CNTFR: variants seen among roughly 807,000 people sequenced by gnomAD.
CNTFR encodes ciliary neurotrophic factor receptor subunit alpha.
CNTFR carries 12 observed loss-of-function variants against 40.4 expected under a neutral mutation model. That is an observed-to-expected ratio of 0.30 (90% CI 0.19 to 0.48). CNTFR has a LOEUF of 0.48. CNTFR is among the 20% of genes least tolerant of loss of function. The pLI is 0.99. For synonymous variants in CNTFR, 202 were observed against 209.6 expected, an observed-to-expected ratio of 0.96 and a Z score of 0.31; for missense variants, 414 against 506.8, an observed-to-expected ratio of 0.82 and a Z score of 1.76.
chr9:34,573,472 A>T lies in CNTFR; in HGVS notation c.1-4491T>A, dbSNP rs371560417. 5.1e-4 allele frequency among the ~76,000 whole-genome samples: 77 copies of T among 152,296 alleles called. 1 individual carries two copies. The South Asian group carries it at 0.015, about 30-fold the overall frequency. On this transcript the variant is annotated intron_variant, in intron 2 of 9. Coordinates refer to ENST00000378980, the MANE Select transcript of CNTFR (RefSeq NM_147164.3). ...ACAATGAAGGATCAGGGGGGCCTCA[A>T]GGCAAGTGACCTCGAAGCAAGGTTA...
rs1825872697 is a variant in CNTFR, at chr9:34,557,115, G to A, written c.604+411C>T. On this transcript the variant is annotated intron_variant, in intron 6 of 9. Transcript: ENST00000378980. The surrounding 1 kb of genome is among the most constrained non-coding windows in gnomAD (Gnocchi z 4.2). ...TGGCTGGGATGGGGGGGGTCAGGGG[G>A]AGGGCAGTATCTGTCCCAGTCCTGT... is the stretch of plus-strand genomic sequence containing the variant. Among the ~76,000 whole-genome samples, 1 of 148,400 alleles carries A rather than the reference G, an allele frequency of 6.7e-6. No homozygotes were observed. Among genetic ancestry groups the A allele is most frequent in the South Asian group, 2.2e-4 (1 of 4,598 alleles).
At chr9:34,559,719 G>A (rs776467142) in intron 4 of CNTFR, among the ~76,000 whole-genome samples, 32 of 152,048 alleles carry the variant, frequency 2.1e-4, no homozygotes, top group Non-Finnish European at 4.4e-4. Flanking sequence ...ACATTCCGAG[G>A]TCGGCCGAGA....
rs116401434 is a variant in CNTFR, at chr9:34,557,689, A to G, written c.441T>C (p.His147=). The change falls in exon 6 of 10, where the codon CAT becomes CAC. Residue 147 remains histidine, a synonymous_variant. Transcript: ENST00000378980. This position sits in a 1 kb window ranked among gnomAD's most constrained non-coding sequence, Gnocchi z 4.2. The part of the protein sequence containing the change: ...IPNTFNVTVL[H]GSKIMVCEKD... ...TCTCACAGACCATAATTTTGGAGCC[A>G]TGCCTGGGGAGAGGTGAGACCCAGG... 6.2e-7 allele frequency: 1 copy of G among 1,614,174 alleles called. No individual in the cohort carries two copies. The highest frequency in any genetic ancestry group is 1.3e-5 in the African/African-American group (1 of 75,050).
chr9:34,577,872 G>A (rs1044256142), intron 2 of CNTFR, among the ~76,000 whole-genome samples: 1 of 151,890 alleles, frequency 6.6e-6, no homozygotes, highest in African/African-American at 2.4e-5. Flanking sequence ...GGGGGAGCGC[G>A]CCGAGCAGCC....
chr9:34,576,865 G>C (rs990199465), intron 2 of CNTFR, among the ~76,000 whole-genome samples: 2 of 152,198 alleles, frequency 1.3e-5, no homozygotes, highest in African/African-American at 2.4e-5. Context: ...TGATCCCAAG[G>C]CCTCTTCAAA....
At position 34,557,539 on chromosome 9, in the gene CNTFR, G is replaced by A. The variant is rs781018193; in HGVS notation, c.591C>T (p.Asp197=). ...CGCCACACGTACCAATGGTGAACTC[G>A]TCAAAGGTGATAGCTGTGGCATTGT... is the stretch of plus-strand genomic sequence containing the variant. The part of the protein sequence containing the change: ...LGHNATAITF[D]EFTIVKPDPP... Residue 197 remains aspartate (D), a synonymous_variant, in exon 6 of 10, where the codon GAC becomes GAT. Transcript: ENST00000378980. This position sits in a 1 kb window ranked among gnomAD's most constrained non-coding sequence, Gnocchi z 4.2. 4.3e-6 allele frequency: 7 copies of A among 1,613,992 alleles called. No individual in the cohort carries two copies. Among genetic ancestry groups the A allele is most frequent in the South Asian group, 3.3e-5 (3 of 91,084 alleles).
Position 34,556,247 on chromosome 9 carries a change from G to T in CNTFR, c.768+8C>A, listed in dbSNP as rs376491136. On this transcript the variant is annotated splice_region_variant and intron_variant, in intron 7 of 9. Coordinates refer to ENST00000378980, the MANE Select transcript of CNTFR (RefSeq NM_147164.3). ...GCACCCAGGATCTTGGCCGGGCAGGGCACTCACATGCTGCCACTGGTCCAG... is the reference window on the plus strand; with the variant it reads ...GCACCCAGGATCTTGGCCGGGCAGGTCACTCACATGCTGCCACTGGTCCAG... 2.5e-6 allele frequency: 4 copies of T among 1,607,388 alleles called. No individual in the cohort carries two copies. The highest frequency in any genetic ancestry group is 3.4e-6 in the Non-Finnish European group (4 of 1,178,216).
chr9:34,577,582 G>C (rs944431726), intron 2 of CNTFR, among the ~76,000 whole-genome samples: 1 of 100,532 alleles, frequency 9.9e-6, no homozygotes, highest in African/African-American at 3.3e-5. Flanking sequence ...TGTGAGAAAA[G>C]AAAGATATCA....
In CNTFR at chr9:34,557,817, G is replaced by GAGAGGTC. The variant is rs1825910541; in HGVS notation, c.437+43_437+49dup. 6.5e-7 allele frequency: 1 copy of GAGAGGTC among 1,540,202 alleles called. No homozygotes were observed. On this transcript the variant is annotated intron_variant, in intron 5 of 9. Coordinates refer to ENST00000378980, the MANE Select transcript of CNTFR (RefSeq NM_147164.3). The surrounding 1 kb of genome is among the most constrained non-coding windows in gnomAD (Gnocchi z 4.2). ...CAGAGGGCATGGTGGTGGGATGGGGGAGAGGTCAGAGGTCAGGGCTGGACC... is the reference window on the plus strand; with the variant it reads ...CAGAGGGCATGGTGGTGGGATGGGGGAGAGGTCAGAGGTCAGAGGTCAGGGCTGGACC...
upstream of CNTFR, among the ~76,000 whole-genome samples, chr9:34,590,311 C>T (rs1291509414): frequency 1.3e-5 from 2 of 152,196 alleles, no homozygotes; most frequent in South Asian, 4.1e-4. Context: ...ACGTTCAGGC[C>T]CTGACGGCCT....
chr9:34,583,448 T>A (rs1040538200), intron 1 of CNTFR, among the ~76,000 whole-genome samples: 3 of 152,172 alleles, frequency 2.0e-5, no homozygotes, highest in African/African-American at 2.4e-5. Flanking sequence ...CAGAACCCTG[T>A]AGGCTCACAG....
intron 3 of CNTFR, among the ~76,000 whole-genome samples, chr9:34,567,052 C>T (rs1280737138): frequency 6.6e-6 from 1 of 152,196 alleles, no homozygotes; most frequent in African/African-American, 2.4e-5. Context: ...GCAATACACG[C>T]AGCCATGCAA....
At chr9:34,578,453 G>GCCT (rs1827108671) in intron 2 of CNTFR, among the ~76,000 whole-genome samples, 1 of 152,196 alleles carries the variant, frequency 6.6e-6, no homozygotes, top group Non-Finnish European at 1.5e-5. Flanking sequence ...GGTGGCCGGG[G>GCCT]CCTCCTTTCC....
rs1206812281 is a variant in CNTFR, at chr9:34,589,355, GC to G, written c.-112+199del. ...CACCACCACGCCCAACCCCCGGAGC[GC>G]CCGGACGTGGGGGGCCGCTCCTCCA... On this transcript the variant is annotated intron_variant, in intron 1 of 9. Coordinates refer to ENST00000378980, the MANE Select transcript of CNTFR (RefSeq NM_147164.3). The surrounding 1 kb of genome is among the most constrained non-coding windows in gnomAD (Gnocchi z 4.4). Among the ~76,000 whole-genome samples, 1 of 152,028 alleles carries G rather than the reference GC, an allele frequency of 6.6e-6. No individual in the cohort carries two copies. The highest frequency in any genetic ancestry group is 1.5e-5 in the Non-Finnish European group (1 of 67,982).
At chr9:34,564,936 G>A (rs1358777046) in intron 3 of CNTFR, 104 bp from the exon 4 acceptor site, 1 of 909,738 alleles carries the variant, frequency 1.1e-6, no homozygotes, top group Non-Finnish European at 1.7e-6. Context: ...GGATGAGTGA[G>A]GACGAGAGGC....
intron 3 of CNTFR, among the ~76,000 whole-genome samples, chr9:34,566,959 C>T (rs1826327282): frequency 3.3e-5 from 5 of 152,214 alleles, no homozygotes; most frequent in Middle Eastern, 6.8e-3. Context: ...CAGAAGACAA[C>T]GACAGGCCAC....
chr9:34,559,900 C>T (rs774814174), intron 4 of CNTFR, among the ~76,000 whole-genome samples: 10 of 152,134 alleles, frequency 6.6e-5, no homozygotes, highest in Admixed American at 1.3e-4. Context: ...CCCCACTCCC[C>T]GACTGTCCTC....
intron 2 of CNTFR, among the ~76,000 whole-genome samples, chr9:34,578,537 G>A (rs575049795): frequency 6.6e-6 from 1 of 152,314 alleles, no homozygotes; most frequent in African/African-American, 2.4e-5. Flanking sequence ...TCTGCTGCCT[G>A]GGGCTATCAG....
At chr9:34,564,968 G>A (rs1826223138) in intron 3 of CNTFR, 136 bp from the exon 4 acceptor site, 3 of 709,912 alleles carry the variant, frequency 4.2e-6, no homozygotes, top group Non-Finnish European at 7.2e-6. Flanking sequence ...GTGAGTGTTT[G>A]GGGAGATGAA....
Sources: allele counts gnomAD v4.1 joint callset (sites outside exome capture counted in the v4.1 genomes callset), GRCh38; gene constraint gnomAD v4.1.1; non-coding constraint Gnocchi (gnomAD v3.1); transcripts MANE v1.5; gene names NCBI Gene and HGNC (gene_info 2026-07-23, HGNC 2026-07-21).